Variants in PTPN1 observed in about 807,000 individuals in gnomAD.
The protein encoded by PTPN1 is tyrosine-protein phosphatase non-receptor type 1.
PTPN1 carries 12 observed loss-of-function variants against 59.9 expected under a neutral mutation model. The ratio of observed to expected loss-of-function variants is 0.20; its 90% CI spans 0.13 to 0.32. The LOEUF is 0.32. PTPN1 is among the 10% of genes least tolerant of loss of function. The pLI is 1.00. For missense variants in PTPN1, 356 were observed against 549.2 expected, an observed-to-expected ratio of 0.65 and a Z score of 3.52; for synonymous variants, 178 against 203.6, an observed-to-expected ratio of 0.87 and a Z score of 1.07.
At chr20:50,560,221 G>A (rs1484117793) in intron 1 of PTPN1, among the ~76,000 whole-genome samples, 1 of 152,018 alleles carries the variant, frequency 6.6e-6, no homozygotes, top group Non-Finnish European at 1.5e-5. Context: ...CCCATTTTTG[G>A]TGGAGCGCTC....
chr20:50,579,419 G>A (rs371231541), intron 7 of PTPN1, 90 bp downstream of exon 7: 73 of 1,402,800 alleles, frequency 5.2e-5, no homozygotes, highest in African/African-American at 3.7e-4. Flanking sequence ...TTCAAACACC[G>A]TCTGGTGTCA....
In PTPN1 at chr20:50,568,009, A is replaced by T. The variant is rs11698821; in HGVS notation, c.256-371A>T. On this transcript the variant is annotated intron_variant, in intron 3 of 9. Transcript: ENST00000371621. The surrounding 1 kb of genome is among the most constrained non-coding windows in gnomAD (Gnocchi z 5.6). ...ACCAAGAGAAGTGTTGTGGTTGGCC[A>T]CGCCCCCACACTGCCTCTCATCTGC... 6.6e-6 allele frequency among the ~76,000 whole-genome samples: 1 copy of T among 152,278 alleles called. No homozygotes were observed. Among genetic ancestry groups the T allele is most frequent in the South Asian group, 2.1e-4 (1 of 4,828 alleles).
At chr20:50,532,354 C>A (rs2082605125) in intron 1 of PTPN1, among the ~76,000 whole-genome samples, 2 of 152,132 alleles carry the variant, frequency 1.3e-5, no homozygotes, top group Non-Finnish European at 2.9e-5. Context: ...CTTAAATCTT[C>A]TTTGGGTCGG....
intron 1 of PTPN1, among the ~76,000 whole-genome samples, chr20:50,557,080 AAT>A (rs1027741216): frequency 2.0e-5 from 3 of 152,102 alleles, no homozygotes; most frequent in Non-Finnish European, 4.4e-5. Context: ...AATAAAATAA[AAT>A]ATGGTGGTTT....
chr20:50,546,428 C>G (rs182349365), intron 1 of PTPN1, among the ~76,000 whole-genome samples: 10 of 152,288 alleles, frequency 6.6e-5, no homozygotes, highest in African/African-American at 2.2e-4. Flanking sequence ...CTGAAGCACT[C>G]TCACTTCAAA....
intron 4 of PTPN1, chr20:50,572,839 G>T (rs1162786873): frequency 6.6e-6 from 1 of 152,220 alleles, no homozygotes; most frequent in Non-Finnish European, 1.5e-5. Context: ...GTCTTGCCAT[G>T]TAATTAGCGC....
chr20:50,581,482 C>T (rs770273775), intron 9 of PTPN1, 22 bp downstream of exon 9: 38 of 1,583,126 alleles, frequency 2.4e-5, no homozygotes, highest in South Asian at 4.5e-5. Context: ...CTGACAGACG[C>T]GCTGGCGAGA....
chr20:50,574,858 T>C, intron 5 of PTPN1: 1 of 551,848 alleles, frequency 1.8e-6, no homozygotes. Context: ...GTGCTCTCTC[T>C]GACCTTTAAC....
At chr20:50,527,500 C>T (rs1182297928) in intron 1 of PTPN1, among the ~76,000 whole-genome samples, 2 of 152,124 alleles carry the variant, frequency 1.3e-5, no homozygotes, top group Non-Finnish European at 1.5e-5. Context: ...CCTGTCATCA[C>T]GCCTGGCTAA....
chr20:50,542,288 T>C (rs768708462), intron 1 of PTPN1, among the ~76,000 whole-genome samples: 8 of 152,266 alleles, frequency 5.3e-5, no homozygotes, highest in Non-Finnish European at 1.2e-4. Context: ...ACAAGATGAA[T>C]GTATCTTAGT....
chr20:50,523,669 G>A (rs1304011226), intron 1 of PTPN1, among the ~76,000 whole-genome samples: 1 of 152,194 alleles, frequency 6.6e-6, no homozygotes, highest in Non-Finnish European at 1.5e-5. Context: ...CTGCCCTTAG[G>A]AAGTTCAGTA....
intron 4 of PTPN1, among the ~76,000 whole-genome samples, chr20:50,570,577 G>A (rs2082803250): frequency 6.6e-6 from 1 of 152,224 alleles, no homozygotes; most frequent in South Asian, 2.1e-4. Context: ...TTTGAGTAAA[G>A]AAACAAAGCA....
At chr20:50,549,800 C>A (rs1254232323) in intron 1 of PTPN1, among the ~76,000 whole-genome samples, 1 of 152,010 alleles carries the variant, frequency 6.6e-6, no homozygotes, top group Non-Finnish European at 1.5e-5. Context: ...TGATTTATTT[C>A]ATATTGCTTA....
intron 4 of PTPN1, chr20:50,572,281 C>T (rs1298553829): frequency 3.3e-5 from 5 of 152,054 alleles, no homozygotes; most frequent in Admixed American, 1.3e-4. Context: ...TTTTCATGGC[C>T]GTATATATCA....
intron 1 of PTPN1, among the ~76,000 whole-genome samples, chr20:50,539,289 G>A (rs1160664643): frequency 1.3e-5 from 2 of 152,108 alleles, no homozygotes; most frequent in Non-Finnish European, 2.9e-5. Context: ...ACCTGCCTCA[G>A]CCTTCCAAAG....
chr20:50,516,551 G>A (rs962899226), intron 1 of PTPN1, among the ~76,000 whole-genome samples: 3 of 152,208 alleles, frequency 2.0e-5, no homozygotes, highest in Non-Finnish European at 4.4e-5. Flanking sequence ...GTTTTGTAAG[G>A]TGTGGTTGGG....
At chr20:50,551,824 T>C (rs746205915) in intron 1 of PTPN1, among the ~76,000 whole-genome samples, 2 of 152,256 alleles carry the variant, frequency 1.3e-5, no homozygotes, top group Non-Finnish European at 2.9e-5. Flanking sequence ...GGGACTCTTC[T>C]GGGAATCTGT....
chr20:50,562,495 T>C (rs572802607), intron 2 of PTPN1, among the ~76,000 whole-genome samples: 2 of 152,222 alleles, frequency 1.3e-5, no homozygotes, highest in African/African-American at 4.8e-5. Context: ...ACTGAGTGGC[T>C]TCGGGCAAGT....
At chr20:50,520,532 G>A (rs373349461) in intron 1 of PTPN1, among the ~76,000 whole-genome samples, 7 of 152,100 alleles carry the variant, frequency 4.6e-5, no homozygotes, top group Admixed American at 1.3e-4. Context: ...TTATGACCAC[G>A]CCTGCAATGT....
Sources: allele counts gnomAD v4.1 joint callset (sites outside exome capture counted in the v4.1 genomes callset), GRCh38; gene constraint gnomAD v4.1.1; non-coding constraint Gnocchi (gnomAD v3.1); transcripts MANE v1.5; gene names NCBI Gene and HGNC (gene_info 2026-07-23, HGNC 2026-07-21).